PPP3R1: variants seen among roughly 807,000 people sequenced by gnomAD.
PPP3R1 encodes protein phosphatase 3 regulatory subunit B, alpha, also known as calcineurin subunit B type 1.
Under a neutral mutation model 22.6 loss-of-function variants are expected in PPP3R1, and 5 were observed. The ratio of observed to expected loss-of-function variants is 0.22; its 90% CI spans 0.12 to 0.46. The LOEUF is 0.46. PPP3R1 is among the 20% of genes least tolerant of loss of function. PPP3R1 has a pLI of 0.99. For synonymous variants in PPP3R1, 56 were observed against 65.2 expected (o/e 0.86, Z 0.68); for missense variants, 61 against 203.2 (o/e 0.30, Z 4.25).
At chr2:68,226,914 T>C (rs1483602019) in intron 1 of PPP3R1, among the ~76,000 whole-genome samples, 1 of 152,072 alleles carries the variant, frequency 6.6e-6, no homozygotes, top group Non-Finnish European at 1.5e-5. Context: ...TTATAATGAG[T>C]ATTAAGCATT....
intron 2 of PPP3R1, among the ~76,000 whole-genome samples, chr2:68,214,062 T>A (rs1350963720): frequency 6.6e-6 from 1 of 152,150 alleles, no homozygotes; most frequent in Non-Finnish European, 1.5e-5. Flanking sequence ...CGTAATTCAA[T>A]AAGTGGTGCT....
chr2:68,229,691 A>G (rs1669849333), intron 1 of PPP3R1, among the ~76,000 whole-genome samples: 1 of 152,246 alleles, frequency 6.6e-6, no homozygotes, highest in Middle Eastern at 3.4e-3. Flanking sequence ...TTTATCTAAT[A>G]TTAAATATAA....
intron 2 of PPP3R1, among the ~76,000 whole-genome samples, chr2:68,215,230 GAC>G (rs1417737396): frequency 2.0e-5 from 3 of 151,796 alleles, no homozygotes; most frequent in East Asian, 3.9e-4. Context: ...AAAGCCCCGT[GAC>G]ACACAGTTTA....
intron 1 of PPP3R1, among the ~76,000 whole-genome samples, chr2:68,247,188 C>T (rs1670254415): frequency 6.6e-6 from 1 of 152,174 alleles, no homozygotes; most frequent in Non-Finnish European, 1.5e-5. Flanking sequence ...CTCTTGAGCC[C>T]AAGATCCATC....
intron 2 of PPP3R1, among the ~76,000 whole-genome samples, chr2:68,207,396 G>A (rs1157668101): frequency 6.6e-6 from 1 of 152,080 alleles, no homozygotes; most frequent in East Asian, 1.9e-4. Context: ...TAAGAAAGAA[G>A]ACTTACTACT....
At chr2:68,186,395 TTCTC>T in intron 5 of PPP3R1, 69 bp downstream of exon 5, 5 of 1,386,798 alleles carry the variant, frequency 3.6e-6, no homozygotes, top group Non-Finnish European at 4.9e-6. Context: ...AATATGGAAA[TTCTC>T]TATTAAGTGG....
chr2:68,246,392 C>A (rs759780426), intron 1 of PPP3R1, among the ~76,000 whole-genome samples: 3 of 151,778 alleles, frequency 2.0e-5, no homozygotes, highest in Non-Finnish European at 4.4e-5. Flanking sequence ...TCTTTCAACC[C>A]CAAGATAAAT....
intron 2 of PPP3R1, among the ~76,000 whole-genome samples, chr2:68,207,325 G>A (rs1315565577): frequency 6.6e-6 from 1 of 151,788 alleles, no homozygotes; most frequent in Non-Finnish European, 1.5e-5. Flanking sequence ...GCTGAACAAT[G>A]ACAAGTATAG....
At chr2:68,227,786 T>C (rs561793332) in intron 1 of PPP3R1, among the ~76,000 whole-genome samples, 2 of 94,604 alleles carry the variant, frequency 2.1e-5, no homozygotes, top group East Asian at 5.3e-4. Context: ...CCTTCTACTA[T>C]TTAATGTTAA....
intron 1 of PPP3R1, among the ~76,000 whole-genome samples, chr2:68,234,196 A>G (rs1053617269): frequency 3.9e-5 from 6 of 152,152 alleles, no homozygotes; most frequent in African/African-American, 1.4e-4. Context: ...AAAAAAAATT[A>G]GTCGGGCATG....
rs1278996389 is a variant in PPP3R1 at position 68,229,862 on chromosome 2, G to GTGTGTGTGTGTGTATGTA, written c.4-12749_4-12732dup. Reference sequence around the variant, plus strand: ...TTCTGCCAGTATGTTTAATTGGTGTGTGTGTGTGTGTGTATGTATGTGTGT... The same window carrying GTGTGTGTGTGTGTATGTA: ...TTCTGCCAGTATGTTTAATTGGTGTGTGTGTGTGTGTGTATGTATGTGTGTGTGTGTATGTATGTGTGT... On this transcript the variant is annotated intron_variant, in intron 1 of 5. Transcript: ENST00000234310. Among the ~76,000 whole-genome samples, 5 of 151,824 alleles carry GTGTGTGTGTGTGTATGTA rather than the reference G, an allele frequency of 3.3e-5. No individual in the cohort carries two copies. The South Asian group carries it at 1.0e-3, about 32-fold the overall frequency.
chr2:68,248,738 T>C (rs1392558932), intron 1 of PPP3R1, among the ~76,000 whole-genome samples: 1 of 152,210 alleles, frequency 6.6e-6, no homozygotes, highest in Non-Finnish European at 1.5e-5. Context: ...ACTGCAACGC[T>C]GATCTTTTTA....
At chr2:68,217,762 T>C (rs977318399) in intron 1 of PPP3R1, among the ~76,000 whole-genome samples, 4 of 152,120 alleles carry the variant, frequency 2.6e-5, no homozygotes, top group Non-Finnish European at 5.9e-5. Context: ...ACATAATTTA[T>C]CTGAGCTCCT....
chr2:68,229,072 G>T (rs1388694081), intron 1 of PPP3R1, among the ~76,000 whole-genome samples: 2 of 152,096 alleles, frequency 1.3e-5, no homozygotes, highest in African/African-American at 4.8e-5. Flanking sequence ...CAGCTTGAGT[G>T]TAGTGGCATG....
chr2:68,227,838 C>T (rs140464149), intron 1 of PPP3R1, among the ~76,000 whole-genome samples: 3 of 151,826 alleles, frequency 2.0e-5, no homozygotes, highest in Admixed American at 6.6e-5. Context: ...ACAATTTCGC[C>T]GAACTTATTC....
At chr2:68,232,124 T>TACACACACACAA (rs1669918601) in intron 1 of PPP3R1, among the ~76,000 whole-genome samples, 2 of 97,988 alleles carry the variant, frequency 2.0e-5, no homozygotes, top group Non-Finnish European at 3.8e-5. Context: ...TATATATATA[T>TACACACACACAA]ACACACACAC....
Position 68,179,009 on chromosome 2 carries a change from A to AAAAAAAAAAAAAAAAAAAG in PPP3R1, c.*1953_*1954insCTTTTTTTTTTTTTTTTTT, listed in dbSNP as rs1553403013. 6.0e-4 allele frequency: 73 copies of AAAAAAAAAAAAAAAAAAAG among 122,328 alleles called. No homozygotes were observed. The highest frequency in any genetic ancestry group is 9.3e-4 in the African/African-American group (29 of 31,182). The allele number at this position is 122,328 out of a possible 1,614,324, so 7.6% of individuals were successfully genotyped here. A position where few individuals can be genotyped will look rare whatever the true frequency, so the allele number is the denominator to read the frequency against. Reference sequence around the variant, plus strand: ...CACACACAAACTAAAAAAAAAAAAAAAAAAAAAGAAAAAGAAAAAACCCTC... The same window carrying AAAAAAAAAAAAAAAAAAAG: ...CACACACAAACTAAAAAAAAAAAAAAAAAAAAAAAAAAAAAAAAGAAAAAAAGAAAAAGAAAAAACCCTC... On this transcript the variant is annotated 3_prime_UTR_variant, in exon 6 of 6. Coordinates refer to ENST00000234310, the MANE Select transcript of PPP3R1 (RefSeq NM_000945.4).
chr2:68,214,321 G>A (rs967701613), intron 2 of PPP3R1, among the ~76,000 whole-genome samples: 2 of 151,990 alleles, frequency 1.3e-5, no homozygotes, highest in Non-Finnish European at 2.9e-5. Flanking sequence ...TTCTGCCAAA[G>A]AAACTATCAA....
At chr2:68,234,356 A>G (rs554431013) in intron 1 of PPP3R1, among the ~76,000 whole-genome samples, 19 of 151,994 alleles carry the variant, frequency 1.3e-4, no homozygotes, top group African/African-American at 4.6e-4. Flanking sequence ...AAAAAAAAAG[A>G]AGCTTAAGCA....
Sources: gnomAD v4.1 joint callset for allele counts (sites outside exome capture counted in the v4.1 genomes callset) on GRCh38, gnomAD v4.1.1 for gene constraint, MANE v1.5 for transcripts, NCBI Gene and HGNC (gene_info 2026-07-23, HGNC 2026-07-21) for gene names.